Variants in ASIC2 observed in about 807,000 individuals in gnomAD.
The protein encoded by ASIC2 is acid sensing ion channel subunit 2.
In ASIC2, 25 loss-of-function variants were observed where a neutral mutation model predicts 57.3. The observed-to-expected ratio is 0.44, with a 90% CI of 0.32 to 0.61. The LOEUF (loss-of-function observed/expected upper bound fraction) is 0.61, where lower values mean the gene tolerates loss of function less well. Ranked by LOEUF, ASIC2 falls within the 20% of genes least tolerant of loss-of-function variation. ASIC2 has a pLI of 0.06. For missense variants in ASIC2, 641 were observed against 738.1 expected, an observed-to-expected ratio of 0.87 and a Z score of 1.52; for synonymous variants, 319 against 307.5, an observed-to-expected ratio of 1.04 and a Z score of -0.39.
intron 3 of ASIC2, chr17:33,052,697 T>C (rs2091982053): frequency 6.6e-6 from 1 of 152,186 alleles, no homozygotes; most frequent in Non-Finnish European, 1.5e-5. Context: ...CCCACTGAGC[T>C]CTAGCGGGTA....
chr17:33,828,512 G>A (rs988318762), intron 1 of ASIC2: 2 of 152,168 alleles, frequency 1.3e-5, no homozygotes, highest in African/African-American at 4.8e-5. Context: ...TAAGATTATG[G>A]CATGAAACCT....
intron 1 of ASIC2, among the ~76,000 whole-genome samples, chr17:34,035,046 C>T (rs1907811422): frequency 6.6e-6 from 1 of 150,654 alleles, no homozygotes; most frequent in Non-Finnish European, 1.5e-5. Context: ...AAAGAGCCTG[C>T]ATCGCCAAGT....
chr17:34,013,237 C>G (rs530044319), intron 1 of ASIC2, among the ~76,000 whole-genome samples: 1 of 152,224 alleles, frequency 6.6e-6, no homozygotes, highest in East Asian at 1.9e-4. Flanking sequence ...GGAGCTGAGA[C>G]GAGATGTTGT....
chr17:33,818,743 C>T (rs1166124085), intron 1 of ASIC2, among the ~76,000 whole-genome samples: 1 of 152,210 alleles, frequency 6.6e-6, no homozygotes, highest in Non-Finnish European at 1.5e-5. Flanking sequence ...ATGTTTTAAA[C>T]CACTACTTTT....
intron 1 of ASIC2, among the ~76,000 whole-genome samples, chr17:34,101,008 C>A (rs1052421250): frequency 6.6e-6 from 1 of 152,122 alleles, no homozygotes; most frequent in African/African-American, 2.4e-5. Flanking sequence ...ATAATAGAAC[C>A]TACTTCATAG....
At position 33,681,531 on chromosome 17, in the gene ASIC2, G is replaced by A. The variant is rs185530267; in HGVS notation, c.555+474447C>T. ...ATGAGACTTGAAAGAAACTCTGCAGGGCCCTTCCTGGAGCATTTCAAAGAT... is the reference window on the plus strand; with the variant it reads ...ATGAGACTTGAAAGAAACTCTGCAGAGCCCTTCCTGGAGCATTTCAAAGAT... On this transcript the variant is annotated intron_variant, in intron 1 of 9. Coordinates refer to the ASIC2 transcript ENST00000359872. Among the ~76,000 whole-genome samples, 562 of 152,222 alleles carry A rather than the reference G, an allele frequency of 3.7e-3. 3 individuals are homozygous for A. The highest frequency in any genetic ancestry group is 6.7e-3 in the Non-Finnish European group (458 of 68,012).
In ASIC2 at chr17:33,188,909, C is replaced by T. The variant is rs142747472; in HGVS notation, c.709-76842G>A. 8.9e-4 allele frequency among the ~76,000 whole-genome samples: 135 copies of T among 152,110 alleles called. 2 individuals are homozygous for T. Among genetic ancestry groups the T allele is most frequent in the African/African-American group, 3.0e-3 (125 of 41,502 alleles). ...ATATTTTTTCTTATTTTTAAAGTCT[C>T]TTTAAAAGATTATTTTAAAAAGTAG... is the stretch of plus-strand genomic sequence containing the variant. On this transcript the variant is annotated intron_variant, in intron 1 of 9. Transcript: ENST00000225823.
intron 1 of ASIC2, among the ~76,000 whole-genome samples, chr17:33,121,411 C>T (rs1213017296): frequency 6.6e-6 from 1 of 152,124 alleles, no homozygotes; most frequent in Non-Finnish European, 1.5e-5. Flanking sequence ...AGGAAGCTGC[C>T]TGGTGGGCAG....
At position 33,050,523 on chromosome 17, in the gene ASIC2, G is replaced by A. The variant is rs554066414; in HGVS notation, c.988-22131C>T. On this transcript the variant is annotated intron_variant, in intron 3 of 9. Coordinates refer to ENST00000225823, the MANE Select transcript of ASIC2 (RefSeq NM_183377.2). ...CCCACTTCCCTCTTCCCTAACTCAG[G>A]GGCATTGGAAAGAGCACTGGAAGAA... is the stretch of plus-strand genomic sequence containing the variant. Among the ~76,000 whole-genome samples the A allele has an allele frequency of 3.3e-5, 5 of 152,198 alleles. No individual in the cohort carries two copies. In the South Asian group the frequency reaches 8.3e-4, roughly 25 times the overall value.
At chr17:33,696,550 A>G (rs1295702382) in intron 1 of ASIC2, among the ~76,000 whole-genome samples, 1 of 152,210 alleles carries the variant, frequency 6.6e-6, no homozygotes, top group Non-Finnish European at 1.5e-5. Flanking sequence ...CATGACATGA[A>G]CGAAGAAGGC....
intron 1 of ASIC2, among the ~76,000 whole-genome samples, chr17:33,909,268 C>T (rs918102937): frequency 6.6e-6 from 1 of 152,208 alleles, no homozygotes; most frequent in Non-Finnish European, 1.5e-5. Flanking sequence ...TATCCTCTCC[C>T]GTTGTTTCTA....
intron 1 of ASIC2, among the ~76,000 whole-genome samples, chr17:33,276,631 T>C (rs958919215): frequency 1.3e-5 from 2 of 152,184 alleles, no homozygotes; most frequent in Non-Finnish European, 1.5e-5. Context: ...CTTTTGGAGG[T>C]ATGTGACTCC....
At chr17:33,976,040 G>A (rs1485591901) in intron 1 of ASIC2, among the ~76,000 whole-genome samples, 2 of 151,590 alleles carry the variant, frequency 1.3e-5, no homozygotes, top group South Asian at 2.1e-4. Flanking sequence ...AAACTTCTCT[G>A]CCCTCAAATT....
chr17:33,786,870 AGT>A (rs1171793665), intron 1 of ASIC2, among the ~76,000 whole-genome samples: 18 of 152,232 alleles, frequency 1.2e-4, no homozygotes, highest in Admixed American at 7.9e-4. Flanking sequence ...AGTCTGAGTC[AGT>A]GAGAAGGGTG....
chr17:33,446,096 G>C (rs572459023), intron 1 of ASIC2, among the ~76,000 whole-genome samples: 28 of 152,028 alleles, frequency 1.8e-4, no homozygotes, highest in Middle Eastern at 3.4e-3. Context: ...CTACCACACC[G>C]CTGAAAGAGA....
rs146971575 is a variant in ASIC2, at chr17:33,143,279, G to A, written c.709-31212C>T. Reference sequence around the variant, plus strand: ...AGGGACAAATATAGGTTGGACTTGAGGTGTGCTAAAGTCTTTTGCATTCTA... The same window carrying A: ...AGGGACAAATATAGGTTGGACTTGAAGTGTGCTAAAGTCTTTTGCATTCTA... On this transcript the variant is annotated intron_variant, in intron 1 of 9. Transcript: ENST00000225823. Among the ~76,000 whole-genome samples, 620 of 152,240 alleles carry A rather than the reference G, an allele frequency of 4.1e-3. 7 individuals carry two copies. Among genetic ancestry groups the A allele is most frequent in the African/African-American group, 0.014 (582 of 41,542 alleles).
In ASIC2 at chr17:33,192,838, T is replaced by A. The variant is rs1193020972; in HGVS notation, c.709-80771A>T. On this transcript the variant is annotated intron_variant, in intron 1 of 9. Transcript: ENST00000225823. ...TTCTAATTAACATTTTCTTAAATAA[T>A]AAAGCTGATATATTGTTTTAAAAAT... 4.6e-5 allele frequency among the ~76,000 whole-genome samples: 7 copies of A among 152,356 alleles called. No homozygotes were observed. In the South Asian group the frequency reaches 1.2e-3, roughly 27 times the overall value.
chr17:33,221,940 C>T (rs1670177867), intron 1 of ASIC2, among the ~76,000 whole-genome samples: 1 of 152,146 alleles, frequency 6.6e-6, no homozygotes, highest in Non-Finnish European at 1.5e-5. Context: ...ATTGTTACTG[C>T]CTTCTGTGGT....
chr17:33,464,480 C>CT (rs1318737493), intron 1 of ASIC2, among the ~76,000 whole-genome samples: 3 of 73,832 alleles, frequency 4.1e-5, no homozygotes, highest in South Asian at 4.7e-4. Context: ...TCTTTCTTTT[C>CT]TCTCTTTCTT....
Sources: gnomAD v4.1 joint callset for allele counts (sites outside exome capture counted in the v4.1 genomes callset) on GRCh38, gnomAD v4.1.1 for gene constraint, MANE v1.5 for transcripts, NCBI Gene and HGNC (gene_info 2026-07-23, HGNC 2026-07-21) for gene names.